Variants in GABRR3 observed in about 807,000 individuals in gnomAD.
GABRR3 encodes the protein gamma-aminobutyric acid type A receptor subunit rho3.
GABRR3 carries 29 observed loss-of-function variants against 43.2 expected under a neutral mutation model. The observed-to-expected ratio is 0.67, with a 90% CI of 0.50 to 0.92. The LOEUF is 0.92. GABRR3 is among the 40% of genes least tolerant of loss of function. The pLI is 0.00. For missense variants in GABRR3, 576 were observed against 572.3 expected (o/e 1.01, Z -0.07); for synonymous variants, 206 against 195.9 (o/e 1.05, Z -0.43).
intron 2 of GABRR3, among the ~76,000 whole-genome samples, chr3:98,034,261 T>C (rs1158823360): frequency 2.0e-5 from 3 of 152,102 alleles, no homozygotes; most frequent in Admixed American, 6.6e-5. Flanking sequence ...CCTAGGCAAA[T>C]TGGTGTATAA....
chr3:97,998,418 G>A (rs750179175), intron 8 of GABRR3: 2 of 152,116 alleles, frequency 1.3e-5, no homozygotes, highest in Non-Finnish European at 2.9e-5. Context: ...ATGCATCAGT[G>A]AAAAGTCTAT....
intron 4 of GABRR3, 43 bp downstream of exon 4, chr3:98,017,610 TTC>T (rs768547473): frequency 1.4e-6 from 2 of 1,395,020 alleles, no homozygotes; most frequent in South Asian, 2.4e-5. Context: ...ACTGCCGAGT[TTC>T]TGTCTTTTCA....
At chr3:98,009,104 C>A in intron 5 of GABRR3, 66 bp from the exon 6 acceptor site, 1 of 996,596 alleles carries the variant, frequency 1.0e-6, no homozygotes, top group Non-Finnish European at 1.5e-6. Context: ...GAGCATGCAA[C>A]ATTGAAGCTT....
At chr3:97,985,259 A>G (rs752338431), downstream of GABRR3, among the ~76,000 whole-genome samples, 6 of 152,252 alleles carry the variant, frequency 3.9e-5, no homozygotes, top group Non-Finnish European at 7.3e-5. Context: ...TGCAAAATGA[A>G]CACTGATCAT....
intron 5 of GABRR3, among the ~76,000 whole-genome samples, chr3:98,009,555 T>C (rs1706762549): frequency 6.6e-6 from 1 of 152,178 alleles, no homozygotes; most frequent in African/African-American, 2.4e-5. Context: ...ATGTGCACAA[T>C]GCATAATTCA....
chr3:98,027,682 T>G (rs1000498901), intron 2 of GABRR3, among the ~76,000 whole-genome samples: 1 of 152,252 alleles, frequency 6.6e-6, no homozygotes, highest in Non-Finnish European at 1.5e-5. Flanking sequence ...TTTGTATTTT[T>G]TATACCTTCT....
At chr3:97,988,601 G>T (rs1170149463) in intron 9 of GABRR3, among the ~76,000 whole-genome samples, 1 of 151,718 alleles carries the variant, frequency 6.6e-6, no homozygotes. Flanking sequence ...GAATTGTGGT[G>T]GTGGGTGGTG....
At chr3:97,992,783 G>A in intron 9 of GABRR3, 69 bp downstream of exon 9, 1 of 1,385,748 alleles carries the variant, frequency 7.2e-7, no homozygotes. Flanking sequence ...ACTGTCAAGA[G>A]AGGGCAATAG....
chr3:98,001,612 T>C lies in GABRR3; in HGVS notation c.907+3A>G. On this transcript the variant is annotated splice_donor_region_variant and intron_variant, in intron 8 of 9. Coordinates refer to ENST00000621172, the Ensembl canonical transcript of GABRR3. The stretch of plus-strand genomic sequence containing the variant: ...CATTTTATAAAGATGGGGAAAGATT[T>C]ACCCAGGGAAACTCTTGCAGGAACA... 6.2e-7 allele frequency: 1 copy of C among 1,612,818 alleles called. No homozygotes were observed.
intron 9 of GABRR3, among the ~76,000 whole-genome samples, chr3:97,987,829 G>A (rs1706407505): frequency 6.6e-6 from 1 of 151,622 alleles, no homozygotes; most frequent in African/African-American, 2.4e-5. Flanking sequence ...TAGGCTGGAG[G>A]GCAGTGGTGT....
intron 4 of GABRR3, 62 bp downstream of exon 4, chr3:98,017,592 AT>A: frequency 8.7e-7 from 1 of 1,155,404 alleles, no homozygotes. Flanking sequence ...AACACTAGTG[AT>A]TTTGACACTG....
chr3:98,028,543 T>C (rs900641737), intron 2 of GABRR3, among the ~76,000 whole-genome samples: 1 of 152,198 alleles, frequency 6.6e-6, no homozygotes, highest in African/African-American at 2.4e-5. Context: ...ATATTTGTAA[T>C]GATCTCTTTG....
chr3:98,017,652 TA>T lies in GABRR3; in HGVS notation c.306+2del. 3 of 1,605,340 alleles carry T rather than the reference TA, an allele frequency of 1.9e-6. No individual in the cohort carries two copies. The highest frequency in any genetic ancestry group is 2.6e-6 in the Non-Finnish European group (3 of 1,174,496). ...AAGAGCAATATCCCATGAAGAAACTTACCATGTTAGTCTCTGAAATGCTGTC... is the reference window on the plus strand; with the variant it reads ...AAGAGCAATATCCCATGAAGAAACTTCCATGTTAGTCTCTGAAATGCTGTC... On this transcript the variant is annotated splice_donor_variant, in intron 4 of 9. Transcript: ENST00000621172. LOFTEE classifies it high-confidence loss of function.
exon 6 of GABRR3, chr3:98,009,031 C>G: frequency 1.2e-6 from 2 of 1,602,238 alleles, no homozygotes; most frequent in Non-Finnish European, 1.7e-6. Context: ...ATGGCCGAAA[C>G]CGTTATCCTA....
chr3:98,016,259 T>G (rs80074878), intron 4 of GABRR3, among the ~76,000 whole-genome samples: 241 of 152,306 alleles, frequency 1.6e-3, no homozygotes, highest in African/African-American at 5.3e-3. Flanking sequence ...AGGAATAGCT[T>G]GGAGCCATCT....
chr3:98,028,381 C>T (rs2107251189), intron 2 of GABRR3, among the ~76,000 whole-genome samples: 1 of 152,296 alleles, frequency 6.6e-6, no homozygotes, highest in South Asian at 2.1e-4. Context: ...ACTTACTTTT[C>T]AAAACTCACA....
intron 3 of GABRR3, among the ~76,000 whole-genome samples, chr3:98,018,080 T>C (rs1288606081): frequency 1.3e-5 from 2 of 152,036 alleles, no homozygotes; most frequent in Non-Finnish European, 2.9e-5. Context: ...TGAAAACATG[T>C]CTTAAGAGTA....
chr3:97,994,817 A>G (rs1706514615), intron 8 of GABRR3, among the ~76,000 whole-genome samples: 1 of 152,176 alleles, frequency 6.6e-6, no homozygotes, highest in African/African-American at 2.4e-5. Flanking sequence ...TTCTGTTCAG[A>G]GTGCAGAATT....
chr3:98,026,649 C>CATCATCATCATT (rs1707022838), intron 2 of GABRR3, among the ~76,000 whole-genome samples: 1 of 151,478 alleles, frequency 6.6e-6, no homozygotes, highest in Non-Finnish European at 1.5e-5. Context: ...TCATCATCAT[C>CATCATCATCATT]GTGGGCAGCA....
Sources: gnomAD v4.1 joint callset for allele counts (sites outside exome capture counted in the v4.1 genomes callset) on GRCh38, gnomAD v4.1.1 for gene constraint, MANE v1.5 for transcripts, NCBI Gene and HGNC (gene_info 2026-07-23, HGNC 2026-07-21) for gene names.